Variants in SLC16A1 observed in about 807,000 individuals in gnomAD.
SLC16A1 encodes solute carrier family 16 member 1.
In SLC16A1, 11 loss-of-function variants were observed where a neutral mutation model predicts 32.2. The ratio of observed to expected loss-of-function variants is 0.34; its 90% CI spans 0.21 to 0.56. The LOEUF (loss-of-function observed/expected upper bound fraction) is 0.56. SLC16A1 is among the 20% of genes least tolerant of loss of function. The pLI is 0.87. For synonymous variants in SLC16A1, 231 were observed against 226.8 expected, an observed-to-expected ratio of 1.02 and a Z score of -0.17; for missense variants, 435 against 615.0, an observed-to-expected ratio of 0.71 and a Z score of 3.10.
At position 112,940,854 on chromosome 1, in the gene SLC16A1, C is replaced by A. The variant is rs140112355; in HGVS notation, c.-44-11502G>T. On this transcript the variant is annotated intron_variant, in intron 1 of 4. Transcript: ENST00000369626. ...TCTATTATAGAACAAAATAATAATT[C>A]ACTTTCCTTTACGAGTTCTTTAGAC... Among the ~76,000 whole-genome samples the A allele has an allele frequency of 4.3e-4, 66 of 152,214 alleles. 1 individual carries two copies. The East Asian group carries it at 9.7e-3, about 22-fold the overall frequency.
chr1:112,923,478 C>A, intron 2 of SLC16A1: 2 of 805,618 alleles, frequency 2.5e-6, no homozygotes, highest in Non-Finnish European at 2.2e-6. Context: ...CGTAGTCACC[C>A]GCGCCTTCCT....
chr1:112,924,066 C>T (rs1350987876), intron 2 of SLC16A1: 2 of 1,292,804 alleles, frequency 1.5e-6, no homozygotes, highest in Non-Finnish European at 2.3e-6. Flanking sequence ...CTGGAAGAAG[C>T]ACCACTTCGA....
At chr1:112,931,408 G>A (rs1649123254) in intron 1 of SLC16A1, among the ~76,000 whole-genome samples, 2 of 152,056 alleles carry the variant, frequency 1.3e-5, no homozygotes, top group African/African-American at 4.8e-5. Flanking sequence ...CACTCTGGGA[G>A]GCAGAGGTAG....
rs142568998 is a variant in SLC16A1 at position 112,931,504 on chromosome 1, G to T, written c.-44-2152C>A. ...CTACTAAAAATACAAAAATTAGCCAGGCATGGTGGCATGCGACTGTAGTCC... is the reference window on the plus strand; with the variant it reads ...CTACTAAAAATACAAAAATTAGCCATGCATGGTGGCATGCGACTGTAGTCC... On this transcript the variant is annotated intron_variant, in intron 1 of 4. Transcript: ENST00000369626. 5.3e-3 allele frequency among the ~76,000 whole-genome samples: 804 copies of T among 151,786 alleles called. 10 individuals are homozygous for T. The highest frequency in any genetic ancestry group is 0.019 in the African/African-American group (769 of 41,376).
intron 1 of SLC16A1, among the ~76,000 whole-genome samples, chr1:112,945,774 CCTGAGGTTGGGAGTTCAGGACCAG>C (rs1557855832): frequency 1.3e-5 from 2 of 151,652 alleles, no homozygotes; most frequent in African/African-American, 2.4e-5. Flanking sequence ...AGACAGATCA[CCTGAGGTTGGGAGTTCAGGACCAG>C]CCTGACCAAC....
At chr1:112,949,788 C>A (rs1010979345) in intron 1 of SLC16A1, among the ~76,000 whole-genome samples, 1 of 152,126 alleles carries the variant, frequency 6.6e-6, no homozygotes, top group African/African-American at 2.4e-5. Context: ...GATCCACCCA[C>A]CTCAGCCTCC....
chr1:112,939,618 G>T (rs2101643551), intron 1 of SLC16A1, among the ~76,000 whole-genome samples: 1 of 152,010 alleles, frequency 6.6e-6, no homozygotes, highest in East Asian at 1.9e-4. Flanking sequence ...TGATTCTCCT[G>T]GTTCAGTCTC....
Position 112,929,213 on chromosome 1 carries a change from G to C in SLC16A1, c.96C>G (p.Phe32Leu). 1 of 1,613,962 alleles carries C rather than the reference G, an allele frequency of 6.2e-7. No individual in the cohort carries two copies. Among genetic ancestry groups the C allele is most frequent in the Non-Finnish European group, 8.5e-7 (1 of 1,179,976 alleles). ...TAATTGATTTGGGAAATGCATAAGA[G>C]AAGCCGATGGAAATGAAAGCTCCAA... ...VVIGAFISIG[F>L]SYAFPKSITV... is the part of the protein sequence containing the mutation. Residue 32 changes from phenylalanine (F) to leucine (L), a missense_variant, in exon 2 of 5, where the codon TTC becomes TTG. By Grantham distance (22) the Phe-to-Leu change is conservative (BLOSUM62 0). Around this residue, in one of 2 missense-constraint regions of SLC16A1, gnomAD observed 324 missense variants for 500.3 expected, o/e 0.65. Transcript: ENST00000369626.
At chr1:112,951,047 T>A (rs1281841938) in intron 1 of SLC16A1, among the ~76,000 whole-genome samples, 1 of 151,776 alleles carries the variant, frequency 6.6e-6, no homozygotes, top group Non-Finnish European at 1.5e-5. Context: ...AAATTTAGAA[T>A]GTATAAATTC....
intron 2 of SLC16A1, chr1:112,923,612 T>C: frequency 7.1e-7 from 1 of 1,409,348 alleles, no homozygotes; most frequent in Non-Finnish European, 1.0e-6. Context: ...CCCTGAAACC[T>C]GACAGTCTCC....
chr1:112,949,474 G>A (rs1031036785), intron 1 of SLC16A1, among the ~76,000 whole-genome samples: 11 of 152,164 alleles, frequency 7.2e-5, no homozygotes, highest in Non-Finnish European at 1.6e-4. Context: ...ATAAAACCAA[G>A]TCAATAACCA....
Position 112,922,281 on chromosome 1 carries a change from T to C in SLC16A1, c.218-148A>G, listed in dbSNP as rs550694808. Reference sequence around the variant, plus strand: ...TTTCTATAATTACTTCTGAGTCACATGTGTACTAAAATAAAGATGTTAGAA... The same window carrying C: ...TTTCTATAATTACTTCTGAGTCACACGTGTACTAAAATAAAGATGTTAGAA... On this transcript the variant is annotated intron_variant, in intron 2 of 4. Transcript: ENST00000369626. 12 of 724,010 alleles carry C rather than the reference T, an allele frequency of 1.7e-5. No individual in the cohort carries two copies. The East Asian group carries it at 3.2e-4, about 19-fold the overall frequency. 44.8% of individuals were successfully genotyped at this position (724,010 alleles called of 1,614,324 possible).
Position 112,946,347 on chromosome 1 carries a change from G to A in SLC16A1, c.-45+9688C>T, listed in dbSNP as rs559050030. 9.2e-5 allele frequency among the ~76,000 whole-genome samples: 14 copies of A among 151,892 alleles called. No individual in the cohort carries two copies. In the East Asian group the frequency reaches 2.7e-3, roughly 29 times the overall value. ...AGCACTTTGGGAGGCCAAGGCAGGCGGATCCACTTGAGTTAAAAAAAAAAA... is the reference window on the plus strand; with the variant it reads ...AGCACTTTGGGAGGCCAAGGCAGGCAGATCCACTTGAGTTAAAAAAAAAAA... On this transcript the variant is annotated intron_variant, in intron 1 of 4. Transcript: ENST00000369626.
chr1:112,936,480 CAAAAAAAAAAAAA>C (rs35673011), intron 1 of SLC16A1, among the ~76,000 whole-genome samples: 1 of 54,894 alleles, frequency 1.8e-5, no homozygotes, highest in Non-Finnish European at 3.5e-5. Flanking sequence ...GACTCTGTCT[CAAAAAAAAAAAAA>C]AAAAAAAAAA....
Position 112,913,786 on chromosome 1 carries a change from T to C in SLC16A1, c.*105A>G, listed in dbSNP as rs1648404017. 4 of 1,352,592 alleles carry C rather than the reference T, an allele frequency of 3.0e-6. No individual in the cohort carries two copies. The highest frequency in any genetic ancestry group is 2.1e-6 in the Non-Finnish European group (2 of 947,932). 83.8% of individuals were successfully genotyped at this position (1,352,592 alleles called of 1,614,324 possible). On this transcript the variant is annotated 3_prime_UTR_variant, in exon 5 of 5. Transcript: ENST00000369626. ...ACAACTGGTATGATTTCCACACAAATGTCTACTATTTGCATTGAGCACCAC... is the reference window on the plus strand; with the variant it reads ...ACAACTGGTATGATTTCCACACAAACGTCTACTATTTGCATTGAGCACCAC...
chr1:112,947,766 C>T (rs1197920472), intron 1 of SLC16A1, among the ~76,000 whole-genome samples: 1 of 152,114 alleles, frequency 6.6e-6, no homozygotes, highest in African/African-American at 2.4e-5. Context: ...ATGATGCTAT[C>T]TTTGACTTCC....
intron 2 of SLC16A1, among the ~76,000 whole-genome samples, chr1:112,925,861 T>C (rs187889981): frequency 2.0e-5 from 3 of 152,230 alleles, no homozygotes; most frequent in African/African-American, 7.2e-5. Flanking sequence ...CCATAAATAC[T>C]ATGAAAAATA....
rs1648545005 is a variant in SLC16A1, at chr1:112,917,221, G to C, written c.1185C>G (p.Thr395=). The C allele has an allele frequency of 1.2e-6, 2 of 1,614,138 alleles. No individual in the cohort carries two copies. Among genetic ancestry groups the C allele is most frequent in the Non-Finnish European group, 1.7e-6 (2 of 1,180,030 alleles). ...QRFSSAVGLV[T]IVECCPVLLG... The stretch of plus-strand genomic sequence containing the variant: ...GGAGGACAGGACAGCATTCCACAAT[G>C]GTCACCAATCCCACAGCGCTGGAGA... Residue 395 remains threonine, a synonymous_variant, in exon 4 of 5, where the codon ACC becomes ACG. Transcript: ENST00000369626. The surrounding 1 kb of genome is among the most constrained non-coding windows in gnomAD (Gnocchi z 4.1).
chr1:112,951,637 A>G (rs1649901454), intron 1 of SLC16A1, among the ~76,000 whole-genome samples: 1 of 152,220 alleles, frequency 6.6e-6, no homozygotes, highest in Non-Finnish European at 1.5e-5. Flanking sequence ...AAGAGCATGA[A>G]AGACCAAAAG....
Sources: allele counts gnomAD v4.1 joint callset (sites outside exome capture counted in the v4.1 genomes callset), GRCh38; gene constraint gnomAD v4.1.1; regional missense constraint gnomAD v4.1.1; non-coding constraint Gnocchi (gnomAD v3.1); transcripts MANE v1.5; gene names NCBI Gene and HGNC (gene_info 2026-07-23, HGNC 2026-07-21).